The following PCDHGA6 variants were observed in gnomAD, a reference collection of about 807,000 sequenced individuals.
The protein encoded by PCDHGA6 is protocadherin gamma subfamily A, 6, also known as protocadherin gamma-A6.
A neutral mutation model predicts 60.6 loss-of-function variants in PCDHGA6; 41 were observed. The observed-to-expected ratio is 0.68, with a 90% CI of 0.53 to 0.88. PCDHGA6 has a LOEUF of 0.88. Among genes scored for constraint, PCDHGA6 ranks in the 40% least tolerant of loss-of-function variants. The pLI, the probability that PCDHGA6 is intolerant of heterozygous loss-of-function variation, is 0.00. For missense variants in PCDHGA6, 1,312 were observed against 1,203.0 expected, an observed-to-expected ratio of 1.09 and a Z score of -1.34; for synonymous variants, 594 against 524.4, an observed-to-expected ratio of 1.13 and a Z score of -1.81.
intron 1 of PCDHGA6, chr5:141,415,752 T>TG: frequency 1.6e-5 from 22 of 1,372,540 alleles, no homozygotes; most frequent in Middle Eastern, 2.6e-4. Flanking sequence ...TTTTTTTTTT[T>TG]TTTTTTTTTT....
At chr5:141,430,945 C>G (rs1466092130) in intron 1 of PCDHGA6, 1 of 1,609,234 alleles carries the variant, frequency 6.2e-7, no homozygotes, top group Non-Finnish European at 8.5e-7. Context: ...TCGCGGAGCG[C>G]GGAGTCCGCA....
intron 1 of PCDHGA6, chr5:141,442,490 T>C (rs2098328971): frequency 6.6e-6 from 1 of 152,222 alleles, no homozygotes; most frequent in South Asian, 2.1e-4. Flanking sequence ...AAGGGGATGA[T>C]TGTGATTATT....
Position 141,487,289 on chromosome 5 carries a change from G to A in PCDHGA6, c.2425-7518G>A. The A allele has an allele frequency of 1.2e-6, 2 of 1,614,096 alleles. No individual in the cohort carries two copies. The highest frequency in any genetic ancestry group is 1.7e-6 in the Non-Finnish European group (2 of 1,180,024). On this transcript the variant is annotated intron_variant, in intron 1 of 3. Coordinates refer to ENST00000517434, the MANE Select transcript of PCDHGA6 (RefSeq NM_018919.3). The surrounding 1 kb of genome is among the most constrained non-coding windows in gnomAD (Gnocchi z 5.0). ...AGTGGCAATTTGCTTTGTCTCCTTTGGCTCATTCGTGGCACTACTCTCTAA... is the reference window on the plus strand; with the variant it reads ...AGTGGCAATTTGCTTTGTCTCCTTTAGCTCATTCGTGGCACTACTCTCTAA...
chr5:141,400,499 G>A (rs1258690272), intron 1 of PCDHGA6: 8 of 1,613,910 alleles, frequency 5.0e-6, no homozygotes, highest in Non-Finnish European at 6.8e-6. Context: ...TGTAATTCCA[G>A]CGAGTCGACT....
chr5:141,397,379 T>C (rs1470838357), intron 1 of PCDHGA6, among the ~76,000 whole-genome samples: 1 of 152,206 alleles, frequency 6.6e-6, no homozygotes, highest in East Asian at 1.9e-4. Context: ...TGGGGATTGG[T>C]ATAAAATTGC....
intron 1 of PCDHGA6, chr5:141,400,694 C>T: frequency 1.3e-6 from 1 of 763,776 alleles, no homozygotes; most frequent in South Asian, 1.9e-5. Context: ...GTTTTTATGT[C>T]GCATAAAAGA....
intron 1 of PCDHGA6, chr5:141,393,788 G>A (rs2092844033): frequency 6.2e-7 from 1 of 1,613,938 alleles, no homozygotes. Context: ...AAGATGTGGG[G>A]GCACTTCTGG....
At chr5:141,454,774 G>A (rs1228452126) in intron 1 of PCDHGA6, among the ~76,000 whole-genome samples, 2 of 144,796 alleles carry the variant, frequency 1.4e-5, no homozygotes, top group African/African-American at 2.6e-5. Context: ...TTTTTACAAG[G>A]AAATAATCCT....
intron 1 of PCDHGA6, chr5:141,428,187 C>T: frequency 1.4e-6 from 2 of 1,439,502 alleles, no homozygotes; most frequent in Non-Finnish European, 1.9e-6. Context: ...GGACAGCCGC[C>T]GCTCTCTGCG....
intron 1 of PCDHGA6, chr5:141,478,354 C>G (rs141625672): frequency 2.8e-5 from 45 of 1,613,660 alleles, no homozygotes; most frequent in Non-Finnish European, 3.2e-5. Flanking sequence ...ACGCGGACGC[C>G]GTGCGGGGAG....
intron 1 of PCDHGA6, chr5:141,390,278 T>A (rs559321936): frequency 1.9e-6 from 3 of 1,614,028 alleles, no homozygotes; most frequent in Admixed American, 1.7e-5. Flanking sequence ...TGACTTCCCA[T>A]CAGGTGAGTT....
At chr5:141,502,216 A>G (rs957759583) in intron 2 of PCDHGA6, among the ~76,000 whole-genome samples, 3 of 152,334 alleles carry the variant, frequency 2.0e-5, no homozygotes, top group Admixed American at 6.5e-5. Context: ...GCAGATTTTC[A>G]TAAATGTTCT....
intron 1 of PCDHGA6, among the ~76,000 whole-genome samples, chr5:141,474,788 A>G (rs1426105047): frequency 6.6e-6 from 1 of 152,232 alleles, no homozygotes; most frequent in Non-Finnish European, 1.5e-5. Context: ...AACACTTTAC[A>G]TCTAATGGAG....
chr5:141,385,507 AG>A, intron 1 of PCDHGA6: 1 of 1,376,812 alleles, frequency 7.3e-7, no homozygotes, highest in Non-Finnish European at 9.4e-7. Flanking sequence ...GTATTTCTTT[AG>A]TGAAAGCCTA....
chr5:141,400,699 A>G (rs1040547233), intron 1 of PCDHGA6: 1 of 733,556 alleles, frequency 1.4e-6, no homozygotes, highest in Non-Finnish European at 2.2e-6. Flanking sequence ...TATGTCGCAT[A>G]AAAGAAGTAG....
At chr5:141,382,844 C>G (rs749994518) in intron 1 of PCDHGA6, 3 of 1,475,612 alleles carry the variant, frequency 2.0e-6, no homozygotes, top group Non-Finnish European at 2.7e-6. Flanking sequence ...CCGGATACAC[C>G]CGCATTCTGA....
At chr5:141,436,467 A>G (rs2097825090) in intron 1 of PCDHGA6, among the ~76,000 whole-genome samples, 1 of 152,216 alleles carries the variant, frequency 6.6e-6, no homozygotes, top group South Asian at 2.1e-4. Flanking sequence ...GAATTTTCAG[A>G]TGTATCATAG....
rs182132552 is a variant in PCDHGA6 at position 141,435,146 on chromosome 5, T to A, written c.2424+58639T>A. Among the ~76,000 whole-genome samples the A allele has an allele frequency of 4.6e-3, 696 of 152,288 alleles. 5 individuals carry two copies. Among genetic ancestry groups the A allele is most frequent in the African/African-American group, 0.016 (677 of 41,554 alleles). ...ATGGAAAATATAAATAAAATTGTGA[T>A]AAACTTTTGTAAATAGAGTGGCTTT... On this transcript the variant is annotated intron_variant, in intron 1 of 3. Transcript: ENST00000517434.
chr5:141,427,983 C>G, intron 1 of PCDHGA6: 2 of 1,596,840 alleles, frequency 1.3e-6, no homozygotes, highest in South Asian at 2.2e-5. Context: ...CGCGCTGGGG[C>G]CCGATGGCTC....
Sources: allele counts gnomAD v4.1 joint callset (sites outside exome capture counted in the v4.1 genomes callset), GRCh38; gene constraint gnomAD v4.1.1; non-coding constraint Gnocchi (gnomAD v3.1); transcripts MANE v1.5; gene names NCBI Gene and HGNC (gene_info 2026-07-23, HGNC 2026-07-21).